Variants in TMOD2 observed in about 807,000 individuals in gnomAD.
TMOD2 encodes the protein tropomodulin-2.
A neutral mutation model predicts 39.9 loss-of-function variants in TMOD2; 22 were observed. That is an observed-to-expected ratio of 0.55 (90% CI 0.39 to 0.79). TMOD2 has a LOEUF of 0.79. Ranked by LOEUF, TMOD2 falls within the 30% of genes least tolerant of loss-of-function variation. TMOD2 has a pLI of 0.00. For missense variants in TMOD2, 386 were observed against 413.3 expected (o/e 0.93, Z 0.57); for synonymous variants, 123 against 146.1 (o/e 0.84, Z 1.14).
At chr15:51,789,017 C>G (rs537834038) in intron 7 of TMOD2, among the ~76,000 whole-genome samples, 1 of 152,166 alleles carries the variant, frequency 6.6e-6, no homozygotes, top group Non-Finnish European at 1.5e-5. Flanking sequence ...CAATATTAGC[C>G]TTAAATGTAA....
chr15:51,805,904 A>G lies in TMOD2; in HGVS notation c.877-473A>G, dbSNP rs548483376. Among the ~76,000 whole-genome samples, 82 of 152,368 alleles carry G rather than the reference A, an allele frequency of 5.4e-4. 1 individual carries two copies. The South Asian group carries it at 5.6e-3, about 10-fold the overall frequency. ...TGAATTGTGCACTTTAAAATGGCAA[A>G]ATTTTATGTGTATTTTACCACAATA... On this transcript the variant is annotated intron_variant, in intron 8 of 9. Transcript: ENST00000249700.
At chr15:51,780,834 T>C (rs566414915) in intron 5 of TMOD2, among the ~76,000 whole-genome samples, 1 of 152,300 alleles carries the variant, frequency 6.6e-6, no homozygotes, top group South Asian at 2.1e-4. Context: ...CCCAGGGAAT[T>C]CTCATTGCAG....
chr15:51,775,663 C>T (rs1021287066), intron 4 of TMOD2, among the ~76,000 whole-genome samples: 1 of 148,028 alleles, frequency 6.8e-6, no homozygotes, highest in African/African-American at 2.5e-5. Flanking sequence ...CTGCAACCTC[C>T]ACCTCCGGAG....
intron 1 of TMOD2, among the ~76,000 whole-genome samples, chr15:51,755,246 G>A (rs1451957131): frequency 1.3e-5 from 2 of 152,156 alleles, no homozygotes; most frequent in African/African-American, 4.8e-5. Context: ...GACTGAAATA[G>A]CCACCTTTCC....
chr15:51,793,023 A>C (rs1288875540), intron 7 of TMOD2, among the ~76,000 whole-genome samples: 1 of 152,204 alleles, frequency 6.6e-6, no homozygotes, highest in Non-Finnish European at 1.5e-5. Context: ...AAATAAAAAG[A>C]AATAAAACAT....
At chr15:51,770,757 A>C (rs576149182) in intron 3 of TMOD2, among the ~76,000 whole-genome samples, 2 of 152,252 alleles carry the variant, frequency 1.3e-5, no homozygotes, top group Non-Finnish European at 2.9e-5. Flanking sequence ...ATGAGCTATG[A>C]TCCTGCCACT....
intron 3 of TMOD2, among the ~76,000 whole-genome samples, chr15:51,773,352 A>G (rs754534508): frequency 3.3e-5 from 5 of 152,202 alleles, no homozygotes; most frequent in Admixed American, 1.3e-4. Context: ...AGGTACAGCC[A>G]CAGGAAGACT....
intron 4 of TMOD2, among the ~76,000 whole-genome samples, chr15:51,776,640 G>C (rs1038466959): frequency 2.6e-5 from 4 of 152,152 alleles, no homozygotes; most frequent in Admixed American, 6.5e-5. Context: ...ATTTAACTAG[G>C]AGGTCTAGGC....
rs573401001 is a variant in TMOD2, at chr15:51,753,617, A to G, written c.-70+1905A>G. On this transcript the variant is annotated intron_variant, in intron 1 of 9. Transcript: ENST00000249700. Reference sequence around the variant, plus strand: ...TTGAATATGGATTGCATGTTAGATGATATTATGGAATTGGTGTTAATTTTC... The same window carrying G: ...TTGAATATGGATTGCATGTTAGATGGTATTATGGAATTGGTGTTAATTTTC... Among the ~76,000 whole-genome samples the G allele has an allele frequency of 3.4e-4, 51 of 152,194 alleles. 1 individual carries two copies. The South Asian group carries it at 0.01, about 31-fold the overall frequency.
In TMOD2 at chr15:51,812,348, C is replaced by T. The variant is rs554929045; in HGVS notation, c.*3894C>T. ...GACAGGGCACCAGCATTAGGGAAACCAATGTCCTCCGAATAGCTGCCATGA... is the reference window on the plus strand; with the variant it reads ...GACAGGGCACCAGCATTAGGGAAACTAATGTCCTCCGAATAGCTGCCATGA... On this transcript the variant is annotated 3_prime_UTR_variant, in exon 10 of 10. Coordinates refer to ENST00000249700, the MANE Select transcript of TMOD2 (RefSeq NM_014548.4). 6 of 152,320 alleles carry T rather than the reference C, an allele frequency of 3.9e-5. No individual in the cohort carries two copies. Among genetic ancestry groups the T allele is most frequent in the African/African-American group, 1.4e-4 (6 of 41,550 alleles). The allele number at this position is 152,320 out of a possible 1,614,324, so 9.4% of individuals were successfully genotyped here.
At chr15:51,788,980 TA>T (rs2055990351) in intron 7 of TMOD2, among the ~76,000 whole-genome samples, 1 of 152,216 alleles carries the variant, frequency 6.6e-6, no homozygotes, top group South Asian at 2.1e-4. Flanking sequence ...GCTAGCATCA[TA>T]ATGACAGGAT....
At chr15:51,806,162 C>T (rs932210890) in intron 8 of TMOD2, among the ~76,000 whole-genome samples, 3 of 152,186 alleles carry the variant, frequency 2.0e-5, no homozygotes, top group Non-Finnish European at 4.4e-5. Context: ...CACCAGCAAA[C>T]TCAGCTATCT....
chr15:51,782,665 T>A lies in TMOD2; in HGVS notation c.625-56T>A, dbSNP rs1455608087. On this transcript the variant is annotated intron_variant, in intron 6 of 9. Transcript: ENST00000249700. ...ATTTAAAGGTTGTGGGTTCTTACCT[T>A]GGCAAGAGTGTGCCATACAATGGTT... 6 of 1,379,988 alleles carry A rather than the reference T, an allele frequency of 4.3e-6. No individual in the cohort carries two copies. The Admixed American group carries it at 1.1e-4, about 24-fold the overall frequency. 85.5% of individuals were successfully genotyped at this position (1,379,988 alleles called of 1,614,324 possible).
At chr15:51,767,529 G>T (rs1012182486) in intron 2 of TMOD2, among the ~76,000 whole-genome samples, 1 of 151,982 alleles carries the variant, frequency 6.6e-6, no homozygotes, top group African/African-American at 2.4e-5. Context: ...ACTTTCTTCA[G>T]ACCTGCTGGT....
At position 51,815,599 on chromosome 15, in the gene TMOD2, A is replaced by G. The variant is rs568376422; in HGVS notation, c.*7145A>G. The G allele has an allele frequency of 6.6e-6, 1 of 152,300 alleles. No individual in the cohort carries two copies. Among genetic ancestry groups the G allele is most frequent in the South Asian group, 2.1e-4 (1 of 4,816 alleles). The allele number at this position is 152,300 out of a possible 1,614,324, so 9.4% of individuals were successfully genotyped here. A position where few individuals can be genotyped will look rare whatever the true frequency, so the allele number is the denominator to read the frequency against. ...TTGAGGAAATTTTATTTTAGTACCA[A>G]ATGTTGCCAGTGACAATCTTCAGTT... On this transcript the variant is annotated 3_prime_UTR_variant, in exon 10 of 10. Coordinates refer to ENST00000249700, the MANE Select transcript of TMOD2 (RefSeq NM_014548.4).
chr15:51,787,887 C>T (rs2055981814), intron 7 of TMOD2, among the ~76,000 whole-genome samples: 1 of 152,212 alleles, frequency 6.6e-6, no homozygotes, highest in Admixed American at 6.5e-5. Context: ...GCTAAAACCA[C>T]AAAGACGGGG....
intron 4 of TMOD2, 122 bp from the exon 5 acceptor site, chr15:51,776,810 G>A (rs17649178): frequency 0.018 from 13,503 of 770,422 alleles, 567 homozygotes; most frequent in Admixed American, 0.1. Context: ...ACTGTGCAAG[G>A]AAAGAGGACT....
intron 7 of TMOD2, among the ~76,000 whole-genome samples, chr15:51,795,547 G>A (rs1457167787): frequency 1.4e-5 from 2 of 147,900 alleles, no homozygotes; most frequent in Non-Finnish European, 3.0e-5. Context: ...TTAATTATTT[G>A]ATAACTTCTT....
chr15:51,784,718 A>G (rs1292393570), intron 7 of TMOD2: 1 of 152,274 alleles, frequency 6.6e-6, no homozygotes, highest in Non-Finnish European at 1.5e-5. Flanking sequence ...AAGGATTCTT[A>G]TCTCTGTATG....
Sources: gnomAD v4.1 joint callset for allele counts (sites outside exome capture counted in the v4.1 genomes callset) on GRCh38, gnomAD v4.1.1 for gene constraint, MANE v1.5 for transcripts, NCBI Gene and HGNC (gene_info 2026-07-23, HGNC 2026-07-21) for gene names.